Variants in PHF24 observed in about 807,000 individuals in gnomAD.
PHF24 encodes Galpha inhibitory interacting protein.
In PHF24, 25 loss-of-function variants were observed where a neutral mutation model predicts 42.6. That is an observed-to-expected ratio of 0.59 (90% CI 0.43 to 0.82). The LOEUF is 0.82. Ranked by LOEUF, PHF24 falls within the 40% of genes least tolerant of loss-of-function variation. The probability of loss-of-function intolerance (pLI) is 0.00; values close to 1 mark genes in which losing one functional copy is unlikely to be tolerated. For missense variants in PHF24, 470 were observed against 538.1 expected (o/e 0.87, Z 1.25); for synonymous variants, 185 against 204.8 (o/e 0.90, Z 0.83).
the PHF24 span, among the ~76,000 whole-genome samples, chr9:34,692,231 G>C: frequency 6.6e-6 from 1 of 152,066 alleles, no homozygotes; most frequent in Non-Finnish European, 1.5e-5. Context: ...TTCTGACTTA[G>C]CTTCTTTCCA....
At chr9:34,767,363 C>G in the PHF24 span, among the ~76,000 whole-genome samples, 8 of 152,258 alleles carry the variant, frequency 5.3e-5, no homozygotes, top group Non-Finnish European at 8.8e-5. Context: ...CCACCCAGTT[C>G]GAGCTTCCAG....
At chr9:34,685,768 C>T in the PHF24 span, among the ~76,000 whole-genome samples, 6,789 of 152,244 alleles carry the variant, frequency 0.045, 237 homozygotes, top group South Asian at 0.069. Context: ...CTTGGAGACT[C>T]GCACATGGCC....
chr9:34,710,262 A>G, the PHF24 span: 4 of 600,132 alleles, frequency 6.7e-6, no homozygotes, highest in African/African-American at 5.6e-5. Flanking sequence ...TCTCAAACTA[A>G]GTGGACAGTC....
the PHF24 span, among the ~76,000 whole-genome samples, chr9:34,869,032 G>T: frequency 6.6e-6 from 1 of 152,162 alleles, no homozygotes; most frequent in Non-Finnish European, 1.5e-5. Context: ...GCGTTCGTTT[G>T]CTGAGGATAA....
chr9:34,726,459 G>C, the PHF24 span: 33 of 1,551,256 alleles, frequency 2.1e-5, no homozygotes, highest in Non-Finnish European at 2.9e-5. Flanking sequence ...TTCAGGGACA[G>C]CAAGGAGACC....
chr9:34,666,478 T>C, the PHF24 span, among the ~76,000 whole-genome samples: 1 of 151,490 alleles, frequency 6.6e-6, no homozygotes, highest in Non-Finnish European at 1.5e-5. Flanking sequence ...CCTAGTTGAG[T>C]GGCCTCGGCT....
chr9:34,810,616 C>T, the PHF24 span, among the ~76,000 whole-genome samples: 21 of 152,206 alleles, frequency 1.4e-4, no homozygotes, highest in Admixed American at 1.4e-3. Flanking sequence ...TGGGAAGCAA[C>T]CTCTGACTGG....
At chr9:34,824,495 TG>T in the PHF24 span, among the ~76,000 whole-genome samples, 9 of 152,062 alleles carry the variant, frequency 5.9e-5, no homozygotes, top group African/African-American at 1.9e-4. Flanking sequence ...AGTGAGGTAG[TG>T]GTAAGGATAG....
At chr9:34,781,965 A>G in the PHF24 span, among the ~76,000 whole-genome samples, 5 of 152,212 alleles carry the variant, frequency 3.3e-5, no homozygotes, top group Non-Finnish European at 5.9e-5. Context: ...CACATGGGAG[A>G]GAAGAACCTC....
At chr9:34,976,644 G>C (rs1477392611) in exon 5 of PHF24, 1 of 1,614,228 alleles carries the variant, frequency 6.2e-7, no homozygotes, top group South Asian at 1.1e-5. Context: ...CGGCCCGCCA[G>C]TTTGCTGCCC....
At chr9:34,884,123 C>A in the PHF24 span, among the ~76,000 whole-genome samples, 3 of 152,206 alleles carry the variant, frequency 2.0e-5, no homozygotes, top group Admixed American at 2.0e-4. Context: ...GGACAGAAAA[C>A]CAAGCACCGC....
the PHF24 span, chr9:34,728,102 T>A: frequency 6.4e-7 from 1 of 1,550,634 alleles, no homozygotes; most frequent in Non-Finnish European, 8.7e-7. Context: ...GGGGAGACAG[T>A]GTTATATGGC....
the PHF24 span, among the ~76,000 whole-genome samples, chr9:34,678,762 C>CT: frequency 6.6e-6 from 1 of 152,148 alleles, no homozygotes; most frequent in Non-Finnish European, 1.5e-5. Context: ...TCCTGAGTCT[C>CT]TGGGACTACA....
chr9:34,816,779 G>A, the PHF24 span, among the ~76,000 whole-genome samples: 1 of 152,210 alleles, frequency 6.6e-6, no homozygotes, highest in Admixed American at 6.5e-5. Context: ...GCATGGAGTA[G>A]ACGTTTCTTC....
the PHF24 span, among the ~76,000 whole-genome samples, chr9:34,932,996 T>C: frequency 6.6e-6 from 1 of 150,704 alleles, no homozygotes; most frequent in African/African-American, 2.4e-5. Context: ...TTTTTTTTTT[T>C]TTTTTTTTCA....
At chr9:34,820,491 G>A in the PHF24 span, among the ~76,000 whole-genome samples, 1 of 152,036 alleles carries the variant, frequency 6.6e-6, no homozygotes, top group African/African-American at 2.4e-5. Flanking sequence ...GTGGTGTTTG[G>A]TTTTCTGTTC....
At chr9:34,709,393 G>C in the PHF24 span, 92 of 1,607,732 alleles carry the variant, frequency 5.7e-5, no homozygotes, top group Non-Finnish European at 1.7e-5. Flanking sequence ...TGCTCACTGG[G>C]CTATGGCCCT....
At chr9:34,925,124 A>G in the PHF24 span, among the ~76,000 whole-genome samples, 5 of 152,260 alleles carry the variant, frequency 3.3e-5, no homozygotes, top group East Asian at 3.9e-4. Context: ...TTTGCTGGCT[A>G]TAATATTCTT....
the PHF24 span, chr9:34,665,850 G>C: frequency 1.7e-6 from 1 of 602,664 alleles, no homozygotes. Flanking sequence ...GGCACTGGAA[G>C]TTAAGGGGTG....
Sources: allele counts gnomAD v4.1 joint callset (sites outside exome capture counted in the v4.1 genomes callset), GRCh38; gene constraint gnomAD v4.1.1; transcripts MANE v1.5; gene names NCBI Gene and HGNC (gene_info 2026-07-23, HGNC 2026-07-21).